The following HIPK2 variants were observed in gnomAD, a reference collection of about 807,000 sequenced individuals.
HIPK2 encodes homeodomain interacting protein kinase 2.
A neutral mutation model predicts 113.7 loss-of-function variants in HIPK2; 27 were observed. The ratio of observed to expected loss-of-function variants is 0.24; its 90% CI spans 0.17 to 0.33. The LOEUF is 0.33. Among genes scored for constraint, HIPK2 ranks in the 10% least tolerant of loss-of-function variants. HIPK2 has a pLI of 1.00. For missense variants in HIPK2, 1,257 were observed against 1,588.0 expected (o/e 0.79, Z 3.54); for synonymous variants, 631 against 642.2 (o/e 0.98, Z 0.26).
rs940431276 is a variant in HIPK2, at chr7:139,569,372, T to A, written c.*3555A>T. 2 of 152,138 alleles carry A rather than the reference T, an allele frequency of 1.3e-5. No individual in the cohort carries two copies. Among genetic ancestry groups the A allele is most frequent in the Non-Finnish European group, 2.9e-5 (2 of 68,052 alleles). 9.4% of individuals were successfully genotyped at this position (152,138 alleles called of 1,614,324 possible). On this transcript the variant is annotated 3_prime_UTR_variant, in exon 15 of 15. Coordinates refer to ENST00000406875, the MANE Select transcript of HIPK2 (RefSeq NM_022740.5). ...CCCAGGTGCGCCGATGGCAAAAGGA[T>A]GGATTGTGGGGAAGCGGATGGGGTC...
At chr7:139,647,879 C>T (rs1801299369) in intron 2 of HIPK2, among the ~76,000 whole-genome samples, 2 of 152,252 alleles carry the variant, frequency 1.3e-5, no homozygotes, top group South Asian at 2.1e-4. Context: ...CACTGGAAAT[C>T]AGCGAGGGCC....
In HIPK2 at chr7:139,569,007, G is replaced by A. The variant is rs78440044; in HGVS notation, c.*3920C>T. 876 of 152,400 alleles carry A rather than the reference G, an allele frequency of 5.7e-3. 9 individuals are homozygous for A. Among genetic ancestry groups the A allele is most frequent in the East Asian group, 0.028 (146 of 5,170 alleles). The allele number at this position is 152,400 out of a possible 1,614,324, so 9.4% of individuals were successfully genotyped here. A position where few individuals can be genotyped will look rare whatever the true frequency, so the allele number is the denominator to read the frequency against. On this transcript the variant is annotated 3_prime_UTR_variant, in exon 15 of 15. Transcript: ENST00000406875. The stretch of plus-strand genomic sequence containing the variant: ...AGCACTTTGTGGGTCTGGGGACAGC[G>A]TGTGAGCACCCAGCGCACACAGCAC...
At chr7:139,730,611 T>C (rs1795747627) in intron 1 of HIPK2, among the ~76,000 whole-genome samples, 1 of 152,200 alleles carries the variant, frequency 6.6e-6, no homozygotes, top group Non-Finnish European at 1.5e-5. Context: ...TCCACCTGCC[T>C]TGGCTTCCCA....
rs148158620 is a variant in HIPK2, at chr7:139,690,498, A to C, written c.1103+25434T>G. 4.6e-5 allele frequency among the ~76,000 whole-genome samples: 7 copies of C among 152,162 alleles called. No homozygotes were observed. In the East Asian group the frequency reaches 1.4e-3, roughly 29 times the overall value. On this transcript the variant is annotated intron_variant, in intron 2 of 14. Coordinates refer to ENST00000406875, the MANE Select transcript of HIPK2 (RefSeq NM_022740.5). ...GCTTAGTGTTGTCCTCGCAGTAATA[A>C]ATGAGTTCTTGCTCTATTTGTTCCC...
chr7:139,762,112 T>C (rs1796474982), intron 1 of HIPK2, among the ~76,000 whole-genome samples: 2 of 152,232 alleles, frequency 1.3e-5, no homozygotes, highest in African/African-American at 2.4e-5. Flanking sequence ...TTAGAAATGA[T>C]CTGTTACCTT....
rs552315765 is a variant in HIPK2 at position 139,759,780 on chromosome 7, A to G, written c.19+17825T>C. ...GAAAGACGCAAGGGTTAAGCGAGAT[A>G]CTAAGAAAAATGGTTATCTACGAGG... On this transcript the variant is annotated intron_variant, in intron 1 of 14. Transcript: ENST00000406875. 3.3e-5 allele frequency among the ~76,000 whole-genome samples: 5 copies of G among 152,348 alleles called. No homozygotes were observed. In the East Asian group the frequency reaches 9.6e-4, roughly 29 times the overall value.
intron 9 of HIPK2, among the ~76,000 whole-genome samples, chr7:139,605,593 G>A (rs369687537): frequency 1.7e-4 from 26 of 152,054 alleles, no homozygotes; most frequent in Non-Finnish European, 2.9e-4. Flanking sequence ...AAACATTGAC[G>A]CTTATAAAAA....
chr7:139,574,996 T>G, intron 14 of HIPK2, 132 bp downstream of exon 14: 1 of 1,231,540 alleles, frequency 8.1e-7, no homozygotes, highest in Non-Finnish European at 1.1e-6. Context: ...ACCAAGGGCA[T>G]GTGCTGCCAC....
intron 1 of HIPK2, among the ~76,000 whole-genome samples, chr7:139,740,736 C>G (rs1234860064): frequency 6.6e-6 from 1 of 152,204 alleles, no homozygotes; most frequent in African/African-American, 2.4e-5. Flanking sequence ...AGGGAAGGAG[C>G]CAAGTCCACC....
At chr7:139,583,333 T>G (rs1798730107) in intron 13 of HIPK2, among the ~76,000 whole-genome samples, 1 of 152,166 alleles carries the variant, frequency 6.6e-6, no homozygotes, top group Non-Finnish European at 1.5e-5. Flanking sequence ...ACACATGGCT[T>G]GGTCTCGCCG....
At chr7:139,676,108 C>A (rs1300395015) in intron 2 of HIPK2, among the ~76,000 whole-genome samples, 1 of 152,156 alleles carries the variant, frequency 6.6e-6, no homozygotes, top group Non-Finnish European at 1.5e-5. Context: ...TGGCAGAGTT[C>A]AGCAAACACT....
chr7:139,671,315 A>G (rs1802286941), intron 2 of HIPK2, among the ~76,000 whole-genome samples: 1 of 152,260 alleles, frequency 6.6e-6, no homozygotes, highest in Non-Finnish European at 1.5e-5. Flanking sequence ...AATAGTAATT[A>G]TACCAAAGAC....
intron 6 of HIPK2, among the ~76,000 whole-genome samples, chr7:139,622,200 C>T (rs984344298): frequency 6.6e-6 from 1 of 152,168 alleles, no homozygotes; most frequent in East Asian, 1.9e-4. Context: ...GAGAGTCCTA[C>T]TTCTTTCTAA....
chr7:139,625,360 A>G (rs372131572), intron 6 of HIPK2, among the ~76,000 whole-genome samples: 1 of 149,758 alleles, frequency 6.7e-6, no homozygotes, highest in South Asian at 2.1e-4. Flanking sequence ...CCGAATGGAC[A>G]TTTTTTTCCA....
At chr7:139,624,915 G>A (rs780563819) in intron 6 of HIPK2, among the ~76,000 whole-genome samples, 4 of 152,144 alleles carry the variant, frequency 2.6e-5, no homozygotes, top group African/African-American at 4.8e-5. Context: ...CAATTCCACC[G>A]TATTTCTCTG....
At chr7:139,687,904 A>G (rs980778635) in intron 2 of HIPK2, among the ~76,000 whole-genome samples, 3 of 152,188 alleles carry the variant, frequency 2.0e-5, no homozygotes, top group Non-Finnish European at 4.4e-5. Context: ...GAGGAGATGA[A>G]ATTTCCCAGA....
intron 2 of HIPK2, among the ~76,000 whole-genome samples, chr7:139,715,168 G>A (rs1250405930): frequency 2.6e-5 from 4 of 152,170 alleles, no homozygotes; most frequent in Non-Finnish European, 4.4e-5. Flanking sequence ...CTAGCACTGC[G>A]GCTGGCACAT....
intron 2 of HIPK2, among the ~76,000 whole-genome samples, chr7:139,633,987 G>A (rs1800715164): frequency 6.6e-6 from 1 of 151,220 alleles, no homozygotes; most frequent in South Asian, 2.1e-4. Context: ...GTGCGCACCT[G>A]TGGTCCCAGC....
chr7:139,698,910 C>T (rs1237193809), intron 2 of HIPK2, among the ~76,000 whole-genome samples: 2 of 152,260 alleles, frequency 1.3e-5, no homozygotes, highest in African/African-American at 4.8e-5. Flanking sequence ...TATTATACCA[C>T]AGATTTTACA....
Sources: gnomAD v4.1 joint callset for allele counts (sites outside exome capture counted in the v4.1 genomes callset) on GRCh38, gnomAD v4.1.1 for gene constraint, MANE v1.5 for transcripts, NCBI Gene and HGNC (gene_info 2026-07-23, HGNC 2026-07-21) for gene names.